The following UNC5B variants were observed in gnomAD, a reference collection of about 807,000 sequenced individuals.
UNC5B encodes unc-5 netrin receptor B.
A neutral mutation model predicts 103.7 loss-of-function variants in UNC5B; 56 were observed. The observed-to-expected ratio is 0.54, with a 90% confidence interval of 0.44 to 0.67. The LOEUF is 0.67. Among genes scored for constraint, UNC5B ranks in the 30% least tolerant of loss-of-function variants. The probability of loss-of-function intolerance (pLI) is 0.00; values close to 1 mark genes in which losing one functional copy is unlikely to be tolerated. For synonymous variants in UNC5B, 577 were observed against 542.0 expected (o/e 1.06, Z -0.90); for missense variants, 1,194 against 1,284.5 (o/e 0.93, Z 1.08).
chr10:71,299,418 C>A lies in UNC5B; in HGVS notation c.*141C>A, dbSNP rs536437955. 3,112 of 1,012,072 alleles carry A rather than the reference C, an allele frequency of 3.1e-3. 12 individuals carry two copies. Among genetic ancestry groups the A allele is most frequent in the Non-Finnish European group, 4.0e-3 (2,745 of 694,278 alleles). 62.7% of individuals were successfully genotyped at this position (1,012,072 alleles called of 1,614,324 possible). A position where few individuals can be genotyped will look rare whatever the true frequency, so the allele number is the denominator to read the frequency against. On this transcript the variant is annotated 3_prime_UTR_variant, in exon 17 of 17. Coordinates refer to ENST00000335350, the MANE Select transcript of UNC5B (RefSeq NM_170744.5). ...TGCCTCTCCTCCTCCTCTTCCCCAA[C>A]CCCCAGACCATGACCAGCCTTAGAA... is the stretch of plus-strand genomic sequence containing the variant.
At chr10:71,223,301 C>A (rs942193039) in intron 1 of UNC5B, among the ~76,000 whole-genome samples, 6 of 152,182 alleles carry the variant, frequency 3.9e-5, no homozygotes, top group African/African-American at 1.4e-4. Context: ...CATGGTCAGG[C>A]CTTACTCACC....
chr10:71,232,802 A>G (rs1843708299), intron 1 of UNC5B, among the ~76,000 whole-genome samples: 2 of 152,220 alleles, frequency 1.3e-5, no homozygotes, highest in African/African-American at 4.8e-5. Flanking sequence ...GCCATGCAGC[A>G]TGTCAGTGAA....
intron 1 of UNC5B, among the ~76,000 whole-genome samples, chr10:71,260,441 GC>G (rs1844391061): frequency 6.6e-6 from 1 of 152,208 alleles, no homozygotes; most frequent in Admixed American, 6.5e-5. Context: ...TAATTAAAGT[GC>G]CCTTATGAAA....
At chr10:71,255,012 C>G (rs1251734000) in intron 1 of UNC5B, among the ~76,000 whole-genome samples, 1 of 152,188 alleles carries the variant, frequency 6.6e-6, no homozygotes, top group African/African-American at 2.4e-5. Flanking sequence ...GGCTCATGCC[C>G]AGGTTTGTTT....
intron 1 of UNC5B, among the ~76,000 whole-genome samples, chr10:71,266,640 A>T (rs1564723363): frequency 1.3e-5 from 2 of 152,198 alleles, no homozygotes; most frequent in Non-Finnish European, 2.9e-5. Flanking sequence ...GGGCCAAGGC[A>T]GCAGCTGGGA....
intron 1 of UNC5B, among the ~76,000 whole-genome samples, chr10:71,231,083 G>A (rs185731642): frequency 1.2e-3 from 190 of 152,310 alleles, no homozygotes; most frequent in African/African-American, 4.4e-3. Context: ...TGTTAAATGA[G>A]GGGGTTGGAC....
chr10:71,237,355 A>C (rs757949566), intron 1 of UNC5B, among the ~76,000 whole-genome samples: 8 of 152,192 alleles, frequency 5.3e-5, no homozygotes, highest in Admixed American at 4.6e-4. Flanking sequence ...AATTAATAGC[A>C]ATCTACCCCA....
intron 1 of UNC5B, among the ~76,000 whole-genome samples, chr10:71,272,572 C>T (rs185296275): frequency 3.3e-5 from 5 of 152,222 alleles, no homozygotes; most frequent in Admixed American, 6.5e-5. Flanking sequence ...ACAACCCTGC[C>T]GTGGCTGTGC....
chr10:71,283,855 C>T (rs1232082554), intron 2 of UNC5B, among the ~76,000 whole-genome samples: 1 of 152,170 alleles, frequency 6.6e-6, no homozygotes, highest in East Asian at 1.9e-4. Context: ...GGGAGAGGGA[C>T]TTCCTCAGCT....
Position 71,292,736 on chromosome 10 carries a change from C to T in UNC5B, c.1772+182C>T, listed in dbSNP as rs1845298812. 2.6e-5 allele frequency among the ~76,000 whole-genome samples: 4 copies of T among 152,142 alleles called. No homozygotes were observed. In the South Asian group the frequency reaches 8.3e-4, roughly 32 times the overall value. On this transcript the variant is annotated intron_variant, in intron 11 of 16. Transcript: ENST00000335350. ...CACCGTAAATTGTAAAACTCAAAGG[C>T]GGTTGACAAGCTGGCTACAAGTGTG...
At chr10:71,282,568 A>C (rs1278572816) in intron 2 of UNC5B, among the ~76,000 whole-genome samples, 2 of 152,150 alleles carry the variant, frequency 1.3e-5, no homozygotes, top group Non-Finnish European at 2.9e-5. Flanking sequence ...TCTGGTAAGC[A>C]AGGGGCAGGG....
intron 1 of UNC5B, among the ~76,000 whole-genome samples, chr10:71,216,800 G>A (rs1435416624): frequency 6.6e-6 from 1 of 151,200 alleles, no homozygotes; most frequent in Non-Finnish European, 1.5e-5. Context: ...GGCTGCCTAA[G>A]ACTTTGGGGA....
At position 71,215,162 on chromosome 10, in the gene UNC5B, GT is replaced by G. The variant is rs536384208; in HGVS notation, c.79+2103del. On this transcript the variant is annotated intron_variant, in intron 1 of 16. Transcript: ENST00000335350. ...ATCATTCTTTCAGAATGTTCTTTGGGTTTTTCCATTGGATCCTTCACAAGCT... is the reference window on the plus strand; with the variant it reads ...ATCATTCTTTCAGAATGTTCTTTGGGTTTTCCATTGGATCCTTCACAAGCT... Among the ~76,000 whole-genome samples, 250 of 152,322 alleles carry G rather than the reference GT, an allele frequency of 1.6e-3. No individual in the cohort carries two copies. The Middle Eastern group carries it at 0.017, about 10-fold the overall frequency.
At chr10:71,271,971 C>A (rs759677069) in intron 1 of UNC5B, among the ~76,000 whole-genome samples, 7 of 152,028 alleles carry the variant, frequency 4.6e-5, no homozygotes, top group Non-Finnish European at 2.9e-5. Flanking sequence ...GTGACCGCCT[C>A]CGAGGGGGCC....
intron 2 of UNC5B, among the ~76,000 whole-genome samples, chr10:71,283,544 G>T (rs973830188): frequency 2.0e-5 from 3 of 152,208 alleles, no homozygotes; most frequent in African/African-American, 7.2e-5. Flanking sequence ...AATCCATGGT[G>T]CAATGAGAGG....
intron 1 of UNC5B, among the ~76,000 whole-genome samples, chr10:71,266,671 T>C (rs1035223466): frequency 6.6e-6 from 1 of 151,808 alleles, no homozygotes; most frequent in Non-Finnish European, 1.5e-5. Flanking sequence ...GGGGTGGAGG[T>C]GAGGTGTGGG....
intron 1 of UNC5B, among the ~76,000 whole-genome samples, chr10:71,248,990 C>T (rs1589164861): frequency 6.6e-6 from 1 of 152,150 alleles, no homozygotes; most frequent in East Asian, 1.9e-4. Flanking sequence ...TACACATATG[C>T]TTGTATTTGC....
chr10:71,243,634 G>T (rs531888272), intron 1 of UNC5B, among the ~76,000 whole-genome samples: 1 of 152,176 alleles, frequency 6.6e-6, no homozygotes, highest in Non-Finnish European at 1.5e-5. Context: ...TGTTCCCCGG[G>T]GGGCTTGGGA....
At chr10:71,256,343 T>C (rs1175989165) in intron 1 of UNC5B, among the ~76,000 whole-genome samples, 2 of 152,150 alleles carry the variant, frequency 1.3e-5, no homozygotes, top group South Asian at 2.1e-4. Context: ...TCTCAGGCCA[T>C]TGGCAGCTGG....
Sources: allele counts gnomAD v4.1 joint callset (sites outside exome capture counted in the v4.1 genomes callset), GRCh38; gene constraint gnomAD v4.1.1; transcripts MANE v1.5; gene names NCBI Gene and HGNC (gene_info 2026-07-23, HGNC 2026-07-21).